Variants in RSU1 observed in about 807,000 individuals in gnomAD.
RSU1 encodes the protein rsu-1.
Under a neutral mutation model 31.1 loss-of-function variants are expected in RSU1, and 26 were observed. The ratio of observed to expected loss-of-function variants is 0.84; its 90% CI spans 0.61 to 1.16. The LOEUF is 1.16. Among genes scored for constraint, RSU1 ranks in the 50% most tolerant of loss-of-function variants. RSU1 has a pLI of 0.00. For missense variants in RSU1, 320 were observed against 339.1 expected (o/e 0.94, Z 0.44); for synonymous variants, 164 against 136.3 (o/e 1.20, Z -1.41).
At chr10:16,692,339 A>G (rs111280820) in intron 8 of RSU1, among the ~76,000 whole-genome samples, 1 of 152,192 alleles carries the variant, frequency 6.6e-6, no homozygotes. Context: ...AAAATCCAGA[A>G]ACTCACAATT....
intron 3 of RSU1, among the ~76,000 whole-genome samples, chr10:16,773,725 T>C (rs1837471383): frequency 6.6e-6 from 1 of 152,196 alleles, no homozygotes; most frequent in African/African-American, 2.4e-5. Context: ...GGTGTTGTTC[T>C]TGATGGTCCC....
At chr10:16,699,418 C>T (rs1330400249) in intron 7 of RSU1, among the ~76,000 whole-genome samples, 8 of 152,140 alleles carry the variant, frequency 5.3e-5, no homozygotes, top group Non-Finnish European at 1.2e-4. Flanking sequence ...AGATGACACC[C>T]GACTCATATT....
At chr10:16,650,052 C>T (rs377084255) in intron 8 of RSU1, among the ~76,000 whole-genome samples, 2 of 150,714 alleles carry the variant, frequency 1.3e-5, no homozygotes, top group East Asian at 3.9e-4. Context: ...AAATTACACA[C>T]ATGTAATTAT....
At chr10:16,709,807 T>C (rs1333484850) in intron 7 of RSU1, among the ~76,000 whole-genome samples, 1 of 152,210 alleles carries the variant, frequency 6.6e-6, no homozygotes, top group Middle Eastern at 3.2e-3. Flanking sequence ...TTGAGAAGTG[T>C]CTGTTCATAT....
At chr10:16,813,360 C>A (rs7090565) in intron 2 of RSU1, among the ~76,000 whole-genome samples, 2 of 152,116 alleles carry the variant, frequency 1.3e-5, no homozygotes, top group African/African-American at 4.8e-5. Flanking sequence ...ATTCCAACAC[C>A]TGATACAAAT....
chr10:16,727,486 C>T (rs1355705402), intron 7 of RSU1, among the ~76,000 whole-genome samples: 1 of 152,056 alleles, frequency 6.6e-6, no homozygotes, highest in Non-Finnish European at 1.5e-5. Context: ...TACCAATATG[C>T]AAGTATTACT....
intron 2 of RSU1, among the ~76,000 whole-genome samples, chr10:16,804,152 G>C (rs189854766): frequency 2.0e-5 from 3 of 152,272 alleles, no homozygotes; most frequent in Non-Finnish European, 2.9e-5. Context: ...TAAAAAGTAC[G>C]TGAAAAATCT....
chr10:16,706,345 T>C (rs1355969492), intron 7 of RSU1, among the ~76,000 whole-genome samples: 1 of 152,228 alleles, frequency 6.6e-6, no homozygotes, highest in East Asian at 1.9e-4. Flanking sequence ...ACTTCCGTAA[T>C]GACTAGAGAT....
intron 8 of RSU1, among the ~76,000 whole-genome samples, chr10:16,638,427 G>T (rs560595771): frequency 6.6e-6 from 1 of 152,096 alleles, no homozygotes; most frequent in East Asian, 1.9e-4. Context: ...AACCCCAGTG[G>T]GTTTATGAGT....
At chr10:16,677,573 T>C (rs1377000453) in intron 8 of RSU1, among the ~76,000 whole-genome samples, 1 of 152,184 alleles carries the variant, frequency 6.6e-6, no homozygotes, top group African/African-American at 2.4e-5. Context: ...ATGTGTACAG[T>C]GGCCTGCAAG....
chr10:16,689,972 AT>A (rs1266522720), intron 8 of RSU1, among the ~76,000 whole-genome samples: 1 of 152,186 alleles, frequency 6.6e-6, no homozygotes, highest in East Asian at 1.9e-4. Context: ...CCAGCCTAAC[AT>A]TTGTCAAACC....
At chr10:16,670,428 A>G (rs747171573) in intron 8 of RSU1, among the ~76,000 whole-genome samples, 1 of 152,120 alleles carries the variant, frequency 6.6e-6, no homozygotes, top group Non-Finnish European at 1.5e-5. Flanking sequence ...CTGAGAACCT[A>G]CCTCTTCAAA....
At chr10:16,706,300 A>G (rs1835901032) in intron 7 of RSU1, among the ~76,000 whole-genome samples, 1 of 152,204 alleles carries the variant, frequency 6.6e-6, no homozygotes, top group Non-Finnish European at 1.5e-5. Flanking sequence ...ACCCTAATGG[A>G]TATGAAATTA....
rs1289366235 is a variant in RSU1, at chr10:16,773,297, G to A, written c.160+8737C>T. ...TCTTCCTACCAGACCTTATGTTTAG[G>A]GTCACTGCATGAGGAGGGCAGGAAG... On this transcript the variant is annotated intron_variant, in intron 3 of 8. Coordinates refer to ENST00000345264, the MANE Select transcript of RSU1 (RefSeq NM_012425.4). 1.3e-5 allele frequency among the ~76,000 whole-genome samples: 2 copies of A among 152,164 alleles called. 1 individual carries two copies. Among genetic ancestry groups the A allele is most frequent in the South Asian group, 4.1e-4 (2 of 4,830 alleles).
At chr10:16,752,799 C>A in intron 6 of RSU1, 119 bp downstream of exon 6, 1 of 1,030,426 alleles carries the variant, frequency 9.7e-7, no homozygotes, top group South Asian at 1.4e-5. Context: ...GAAACACTAT[C>A]AGGAGTAGTG....
At chr10:16,769,614 C>G (rs957690012) in intron 3 of RSU1, among the ~76,000 whole-genome samples, 4 of 152,222 alleles carry the variant, frequency 2.6e-5, no homozygotes, top group African/African-American at 9.7e-5. Flanking sequence ...AGGGTAAAGC[C>G]TGAGACTCTG....
intron 7 of RSU1, among the ~76,000 whole-genome samples, chr10:16,719,069 G>T (rs992142810): frequency 3.3e-5 from 5 of 151,472 alleles, no homozygotes; most frequent in African/African-American, 9.7e-5. Flanking sequence ...CAGGAGGATT[G>T]CTTGAAGGCA....
At chr10:16,791,614 C>T (rs372062347) in intron 2 of RSU1, among the ~76,000 whole-genome samples, 194 of 142,354 alleles carry the variant, frequency 1.4e-3, no homozygotes, top group African/African-American at 4.7e-3. Flanking sequence ...GGCGACAGAG[C>T]GAGACTCCGT....
chr10:16,647,248 T>A (rs7071185), intron 8 of RSU1, among the ~76,000 whole-genome samples: 97,658 of 151,884 alleles, frequency 0.64, 32,298 homozygotes, highest in African/African-American at 0.81. Context: ...TTGGGATTAC[T>A]GGTGTGAGCC....
Sources: gnomAD v4.1 joint callset for allele counts (sites outside exome capture counted in the v4.1 genomes callset) on GRCh38, gnomAD v4.1.1 for gene constraint, MANE v1.5 for transcripts, NCBI Gene and HGNC (gene_info 2026-07-23, HGNC 2026-07-21) for gene names.